Variants in PDSS2 observed in about 807,000 individuals in gnomAD.
PDSS2 encodes all trans-polyprenyl-diphosphate synthase PDSS2.
Under a neutral mutation model 44.5 loss-of-function variants are expected in PDSS2, and 31 were observed. The ratio of observed to expected loss-of-function variants is 0.70; its 90% CI spans 0.52 to 0.94. PDSS2 has a LOEUF of 0.94. Among genes scored for constraint, PDSS2 ranks in the 40% least tolerant of loss-of-function variants. The pLI is 0.00. For synonymous variants in PDSS2, 157 were observed against 180.3 expected (o/e 0.87, Z 1.03); for missense variants, 452 against 482.2 (o/e 0.94, Z 0.59).
intron 6 of PDSS2, among the ~76,000 whole-genome samples, chr6:107,194,600 AT>A (rs1269557106): frequency 2.0e-5 from 3 of 152,236 alleles, no homozygotes; most frequent in Admixed American, 1.3e-4. Context: ...ATGTGGAAAT[AT>A]TACATACTCC....
intron 4 of PDSS2, among the ~76,000 whole-genome samples, chr6:107,237,699 G>T (rs1415841259): frequency 3.0e-4 from 46 of 151,628 alleles, no homozygotes; most frequent in Non-Finnish European, 8.8e-5. Context: ...TCAGGAGTTT[G>T]AGACCAGCCT....
At chr6:107,244,043 G>A in intron 4 of PDSS2, among the ~76,000 whole-genome samples, 1 of 152,158 alleles carries the variant, frequency 6.6e-6, no homozygotes. Flanking sequence ...CAGGATAATC[G>A]CTTGAACCCA....
intron 2 of PDSS2, among the ~76,000 whole-genome samples, chr6:107,278,800 C>T (rs2114966745): frequency 6.6e-6 from 1 of 152,222 alleles, no homozygotes; most frequent in Middle Eastern, 3.4e-3. Context: ...TTTAAAAAAA[C>T]CTTTCATTTA....
At position 107,152,615 on chromosome 6, in the gene PDSS2, T is replaced by C. The variant is rs1554244655; in HGVS notation, c.*2004A>G. ...TTTTTTTTCACACTTGACTTTCAGG[T>C]CAACTTTTGAATCTCATTGTACAGA... On this transcript the variant is annotated 3_prime_UTR_variant, in exon 8 of 8. Coordinates refer to ENST00000369037, the MANE Select transcript of PDSS2 (RefSeq NM_020381.4). The C allele has an allele frequency of 6.6e-6, 1 of 151,946 alleles. No individual in the cohort carries two copies. Among genetic ancestry groups the C allele is most frequent in the Non-Finnish European group, 1.5e-5 (1 of 67,994 alleles). The allele number at this position is 151,946 out of a possible 1,614,324, so 9.4% of individuals were successfully genotyped here.
intron 2 of PDSS2, among the ~76,000 whole-genome samples, chr6:107,288,399 A>G (rs920441942): frequency 3.9e-5 from 6 of 152,222 alleles, no homozygotes; most frequent in Admixed American, 6.5e-5. Flanking sequence ...AGTCTTTGTT[A>G]TATGAATGAA....
At chr6:107,379,910 A>G (rs1348314698) in intron 1 of PDSS2, among the ~76,000 whole-genome samples, 2 of 152,186 alleles carry the variant, frequency 1.3e-5, no homozygotes, top group African/African-American at 2.4e-5. Context: ...CATATTATAT[A>G]TTATGTATAA....
chr6:107,204,946 T>G lies in PDSS2; in HGVS notation c.1008+5493A>C, dbSNP rs189358861. ...AGCCATTTCATAGTCTTTGTGGTCA[T>G]GCATATAGTTCTTTCAAATGCCTAC... On this transcript the variant is annotated intron_variant, in intron 6 of 7. Transcript: ENST00000369037. Among the ~76,000 whole-genome samples the G allele has an allele frequency of 2.0e-4, 30 of 152,352 alleles. 2 individuals carry two copies. The highest frequency in any genetic ancestry group is 7.0e-4 in the African/African-American group (29 of 41,586).
chr6:107,365,540 T>C (rs1470992508), intron 1 of PDSS2, among the ~76,000 whole-genome samples: 1 of 152,106 alleles, frequency 6.6e-6, no homozygotes, highest in Non-Finnish European at 1.5e-5. Context: ...CAGATATGAA[T>C]GGACAAAACA....
chr6:107,207,840 C>A (rs1488849956), intron 6 of PDSS2, among the ~76,000 whole-genome samples: 4 of 151,568 alleles, frequency 2.6e-5, no homozygotes, highest in Non-Finnish European at 5.9e-5. Flanking sequence ...AAACTCCTGA[C>A]CTCAAGTGAT....
intron 6 of PDSS2, among the ~76,000 whole-genome samples, chr6:107,205,920 G>A (rs992680444): frequency 3.3e-5 from 5 of 152,162 alleles, no homozygotes; most frequent in African/African-American, 1.2e-4. Context: ...ATAATTCTCA[G>A]TCTTTCCAAG....
At chr6:107,349,301 C>T (rs1375579440) in intron 1 of PDSS2, among the ~76,000 whole-genome samples, 7 of 152,000 alleles carry the variant, frequency 4.6e-5, no homozygotes, top group Admixed American at 6.6e-5. Context: ...GGCGTGGTGG[C>T]GGGCGCCTGT....
chr6:107,239,542 T>C (rs986250147), intron 4 of PDSS2, among the ~76,000 whole-genome samples: 1 of 152,034 alleles, frequency 6.6e-6, no homozygotes, highest in African/African-American at 2.4e-5. Context: ...TAATCATGAT[T>C]CATTTCTGGG....
chr6:107,259,908 A>G (rs552994823), intron 3 of PDSS2, among the ~76,000 whole-genome samples: 12 of 152,352 alleles, frequency 7.9e-5, no homozygotes, highest in African/African-American at 2.9e-4. Flanking sequence ...CTGATATTCT[A>G]AACAGGGAAA....
At chr6:107,446,604 A>G (rs1405892297) in intron 1 of PDSS2, among the ~76,000 whole-genome samples, 1 of 152,226 alleles carries the variant, frequency 6.6e-6, no homozygotes, top group Non-Finnish European at 1.5e-5. Flanking sequence ...TAAAGAAAAG[A>G]GGCTTAATTG....
At chr6:107,378,625 A>C (rs1419011193) in intron 1 of PDSS2, among the ~76,000 whole-genome samples, 1 of 152,132 alleles carries the variant, frequency 6.6e-6, no homozygotes, top group Non-Finnish European at 1.5e-5. Flanking sequence ...TTCTTTACTA[A>C]AAGTACAAAA....
intron 2 of PDSS2, among the ~76,000 whole-genome samples, chr6:107,317,352 CAA>C (rs1352617343): frequency 1.3e-5 from 2 of 151,998 alleles, no homozygotes; most frequent in African/African-American, 4.8e-5. Flanking sequence ...AAAGGTGTGA[CAA>C]GAGATGAAGT....
Position 107,374,192 on chromosome 6 carries a change from T to C in PDSS2, c.297-39860A>G, listed in dbSNP as rs367658574. On this transcript the variant is annotated intron_variant, in intron 1 of 7. Transcript: ENST00000369037. ...TCACTTGAACCCAGGAGGTGGAGGT[T>C]GCAGTGAGCCGAGATTGCACCACTG... 5.9e-4 allele frequency among the ~76,000 whole-genome samples: 85 copies of C among 143,002 alleles called. 2 individuals carry two copies. The East Asian group carries it at 0.017, about 29-fold the overall frequency. 93.8% of individuals were successfully genotyped at this position (143,002 alleles called of 152,430 possible).
At position 107,412,593 on chromosome 6, in the gene PDSS2, T is replaced by C. The variant is rs190265569; in HGVS notation, c.296+46397A>G. On this transcript the variant is annotated intron_variant, in intron 1 of 7. Coordinates refer to ENST00000369037, the MANE Select transcript of PDSS2 (RefSeq NM_020381.4). ...TGAGCATGTGCTAACTTTCCTTCTC[T>C]CCATTTATACAACTGTCGGCAACAT... is the stretch of plus-strand genomic sequence containing the variant. 7.6e-3 allele frequency among the ~76,000 whole-genome samples: 1,156 copies of C among 152,292 alleles called. 14 individuals carry two copies. The highest frequency in any genetic ancestry group is 0.012 in the Non-Finnish European group (784 of 68,016).
rs909683295 is a variant in PDSS2 at position 107,339,958 on chromosome 6, T to C, written c.297-5626A>G. ...ACAAAACAAAATCATTTATCATCAG[T>C]GTAGAAAATGACTTGTGTAGACAAG... On this transcript the variant is annotated intron_variant, in intron 1 of 7. Transcript: ENST00000369037. 3.3e-5 allele frequency among the ~76,000 whole-genome samples: 5 copies of C among 151,078 alleles called. No individual in the cohort carries two copies. In the South Asian group the frequency reaches 1.0e-3, roughly 32 times the overall value.
Sources: gnomAD v4.1 joint callset for allele counts (sites outside exome capture counted in the v4.1 genomes callset) on GRCh38, gnomAD v4.1.1 for gene constraint, MANE v1.5 for transcripts, NCBI Gene and HGNC (gene_info 2026-07-23, HGNC 2026-07-21) for gene names.